Variants in MYZAP observed in about 807,000 individuals in gnomAD.
MYZAP encodes GRINL1A complex locus upstream.
In MYZAP, 66 loss-of-function variants were observed where a neutral mutation model predicts 69.4. The ratio of observed to expected loss-of-function variants is 0.95; its 90% CI spans 0.78 to 1.17. The LOEUF is 1.17. Among genes scored for constraint, MYZAP ranks in the 50% most tolerant of loss-of-function variants. The pLI is 0.00. For synonymous variants in MYZAP, 256 were observed against 205.9 expected (o/e 1.24, Z -2.09); for missense variants, 611 against 556.2 (o/e 1.10, Z -0.99).
intron 2 of MYZAP, among the ~76,000 whole-genome samples, chr15:57,611,000 C>T (rs1227486414): frequency 6.6e-6 from 1 of 152,130 alleles, no homozygotes; most frequent in African/African-American, 2.4e-5. Context: ...GACGGACAGA[C>T]AGACTCATTC....
intron 1 of MYZAP, among the ~76,000 whole-genome samples, chr15:57,593,214 A>ACACACACACACACACACACACACACC (rs1172761785): frequency 2.9e-4 from 41 of 141,416 alleles, no homozygotes; most frequent in Non-Finnish European, 4.1e-4. Context: ...ACACACACAC[A>ACACACACACACACACACACACACACC]CCCCAGAATC....
intron 11 of MYZAP, among the ~76,000 whole-genome samples, chr15:57,664,551 G>A (rs1188874476): frequency 6.6e-6 from 1 of 152,158 alleles, no homozygotes; most frequent in Admixed American, 6.5e-5. Flanking sequence ...ATTGCTCTAC[G>A]GCACGGATGC....
intron 10 of MYZAP, chr15:57,647,861 C>T: frequency 1.0e-6 from 1 of 985,362 alleles, no homozygotes; most frequent in Non-Finnish European, 1.2e-6. Context: ...CACCTCTTTC[C>T]TGCCTGTACT....
chr15:57,647,348 A>G (rs1289436242), intron 10 of MYZAP: 5 of 985,320 alleles, frequency 5.1e-6, no homozygotes, highest in South Asian at 4.7e-5. Context: ...AGACAGAGGC[A>G]GATTTGAGAA....
intron 1 of MYZAP, among the ~76,000 whole-genome samples, chr15:57,596,624 C>G (rs574691056): frequency 1.3e-5 from 2 of 152,170 alleles, no homozygotes; most frequent in African/African-American, 2.4e-5. Context: ...TCTCCTGACT[C>G]GTCTGCTTCA....
intron 1 of MYZAP, among the ~76,000 whole-genome samples, chr15:57,600,903 A>G (rs536330997): frequency 4.7e-4 from 71 of 152,060 alleles, no homozygotes; most frequent in African/African-American, 1.5e-3. Flanking sequence ...ACATAGTAAG[A>G]CTCTGTGTCT....
chr15:57,654,520 C>T (rs1360934477), intron 10 of MYZAP, among the ~76,000 whole-genome samples: 1 of 152,148 alleles, frequency 6.6e-6, no homozygotes, highest in Non-Finnish European at 1.5e-5. Context: ...TACCCCAAAG[C>T]ACAATTTCTT....
intron 8 of MYZAP, among the ~76,000 whole-genome samples, 152 bp from the exon 9 acceptor site, chr15:57,637,542 GT>G (rs2036885987): frequency 6.6e-6 from 1 of 152,216 alleles, no homozygotes; most frequent in African/African-American, 2.4e-5. Context: ...AGACTTGGCA[GT>G]TTTGAGCCTT....
chr15:57,642,094 A>G (rs1484715562), intron 10 of MYZAP, among the ~76,000 whole-genome samples: 1 of 152,242 alleles, frequency 6.6e-6, no homozygotes, highest in African/African-American at 2.4e-5. Flanking sequence ...TACTGGCTGC[A>G]CTGGTAAGGC....
chr15:57,617,267 T>A (rs2035526112), intron 2 of MYZAP, among the ~76,000 whole-genome samples: 1 of 152,192 alleles, frequency 6.6e-6, no homozygotes, highest in South Asian at 2.1e-4. Context: ...ACATTAAATG[T>A]GATTAGGAAT....
intron 11 of MYZAP, among the ~76,000 whole-genome samples, chr15:57,667,644 T>A (rs2038646817): frequency 6.6e-6 from 1 of 152,212 alleles, no homozygotes. Context: ...AAGACTTTTC[T>A]TAAATCTGTC....
chr15:57,631,080 C>G (rs1401058096), intron 6 of MYZAP, among the ~76,000 whole-genome samples: 1 of 152,210 alleles, frequency 6.6e-6, no homozygotes, highest in Non-Finnish European at 1.5e-5. Flanking sequence ...AATAGGGCAG[C>G]TCTTCTTTTC....
In MYZAP at chr15:57,637,692, T is replaced by C. The variant is rs750908979; in HGVS notation, c.934-3T>C. 2.5e-6 allele frequency: 4 copies of C among 1,612,292 alleles called. No individual in the cohort carries two copies. The highest frequency in any genetic ancestry group is 3.4e-6 in the Non-Finnish European group (4 of 1,179,144). ...TTAAAATATCAGTTTCTGTTTGTTT[T>C]AGGAACGTCATCAACTGCAACTTCA... On this transcript the variant is annotated splice_region_variant and splice_polypyrimidine_tract_variant and intron_variant, in intron 8 of 12. Coordinates refer to ENST00000267853, the MANE Select transcript of MYZAP (RefSeq NM_001018100.5).
At chr15:57,617,674 G>C (rs180689997) in intron 2 of MYZAP, among the ~76,000 whole-genome samples, 1 of 152,326 alleles carries the variant, frequency 6.6e-6, no homozygotes, top group Admixed American at 6.5e-5. Flanking sequence ...ATATGGAGAA[G>C]CTGGGATAAG....
At chr15:57,617,181 C>G (rs181203982) in intron 2 of MYZAP, among the ~76,000 whole-genome samples, 2 of 152,220 alleles carry the variant, frequency 1.3e-5, no homozygotes, top group African/African-American at 2.4e-5. Context: ...TGCCTAACGT[C>G]TCTGAACTTC....
Position 57,639,431 on chromosome 15 carries a change from T to C in MYZAP, c.1014-9T>C. On this transcript the variant is annotated splice_polypyrimidine_tract_variant and intron_variant, in intron 9 of 12. Coordinates refer to ENST00000267853, the MANE Select transcript of MYZAP (RefSeq NM_001018100.5). ...GGACTCATTTGCTTTTTTCTCCTAT[T>C]TGTGTTAGGTATCAGCAGTTGGAGG... 1.2e-6 allele frequency: 2 copies of C among 1,613,806 alleles called. No homozygotes were observed. Among genetic ancestry groups the C allele is most frequent in the South Asian group, 1.1e-5 (1 of 91,028 alleles).
At chr15:57,604,695 A>G (rs1595855805) in intron 2 of MYZAP, among the ~76,000 whole-genome samples, 2 of 152,136 alleles carry the variant, frequency 1.3e-5, no homozygotes, top group Admixed American at 6.5e-5. Flanking sequence ...CAAAGGGCCT[A>G]TTGTGAGCAG....
At chr15:57,632,608 C>G in intron 7 of MYZAP, 49 bp downstream of exon 7, 1 of 1,608,846 alleles carries the variant, frequency 6.2e-7, no homozygotes, top group South Asian at 1.1e-5. Context: ...ATTGTTGGTT[C>G]ATTATTGTTG....
intron 4 of MYZAP, 97 bp downstream of exon 4, chr15:57,621,797 G>GATAAAGAACACTAGA: frequency 1.9e-6 from 2 of 1,044,350 alleles, no homozygotes; most frequent in Non-Finnish European, 2.7e-6. Flanking sequence ...AGTATCTAGT[G>GATAAAGAACACTAGA]TTCTTTATCA....
Sources: allele counts gnomAD v4.1 joint callset (sites outside exome capture counted in the v4.1 genomes callset), GRCh38; gene constraint gnomAD v4.1.1; transcripts MANE v1.5; gene names NCBI Gene and HGNC (gene_info 2026-07-23, HGNC 2026-07-21).